TTC28: variants seen among roughly 807,000 people sequenced by gnomAD.
The protein encoded by TTC28 is tetratricopeptide repeat domain 28.
In TTC28, 61 loss-of-function variants were observed where a neutral mutation model predicts 198.0. That is an observed-to-expected ratio of 0.31 (90% CI 0.25 to 0.38). The LOEUF (loss-of-function observed/expected upper bound fraction) is 0.38. TTC28 is among the 10% of genes least tolerant of loss of function. The pLI is 1.00. For missense variants in TTC28, 2,678 were observed against 3,164.0 expected, an observed-to-expected ratio of 0.85 and a Z score of 3.69; for synonymous variants, 1,171 against 1,297.8, an observed-to-expected ratio of 0.90 and a Z score of 2.10.
chr22:28,053,225 C>T (rs1009920552), intron 12 of TTC28, among the ~76,000 whole-genome samples: 1 of 152,218 alleles, frequency 6.6e-6, no homozygotes, highest in Non-Finnish European at 1.5e-5. Context: ...GTCCATCATC[C>T]CTTCAGGATG....
chr22:28,475,168 AAAAAGAAAGAAAAG>A (rs1568967492), intron 2 of TTC28, among the ~76,000 whole-genome samples: 6 of 150,514 alleles, frequency 4.0e-5, no homozygotes, highest in Admixed American at 6.6e-5. Context: ...AAAAAAAAAA[AAAAAGAAAGAAAAG>A]AAAAGAAAGA....
At chr22:28,554,943 G>C (rs986571723) in intron 2 of TTC28, among the ~76,000 whole-genome samples, 1 of 152,056 alleles carries the variant, frequency 6.6e-6, no homozygotes, top group Non-Finnish European at 1.5e-5. Flanking sequence ...AAAAGTCTTC[G>C]CAATCTATAT....
At chr22:28,484,586 G>A (rs576781524) in intron 2 of TTC28, among the ~76,000 whole-genome samples, 25 of 152,068 alleles carry the variant, frequency 1.6e-4, no homozygotes, top group Non-Finnish European at 3.5e-4. Flanking sequence ...TCATCATACC[G>A]TAAGTACGCC....
intron 2 of TTC28, among the ~76,000 whole-genome samples, chr22:28,419,043 A>G (rs2047209142): frequency 6.6e-6 from 1 of 152,164 alleles, no homozygotes; most frequent in Non-Finnish European, 1.5e-5. Context: ...AAAGATCCCT[A>G]GGCCTAGATT....
At chr22:28,193,314 A>T (rs1284254051) in intron 5 of TTC28, among the ~76,000 whole-genome samples, 1 of 152,216 alleles carries the variant, frequency 6.6e-6, no homozygotes, top group Non-Finnish European at 1.5e-5. Flanking sequence ...AACAACCGGT[A>T]CCAACCACTG....
chr22:28,473,959 A>G (rs2048130108), intron 2 of TTC28, among the ~76,000 whole-genome samples: 1 of 152,196 alleles, frequency 6.6e-6, no homozygotes, highest in African/African-American at 2.4e-5. Context: ...AACTATGATA[A>G]AAGAAAATTT....
rs1031416728 is a variant in TTC28 at position 28,030,182 on chromosome 22, C to A, written c.4073+44G>T. The A allele has an allele frequency of 1.2e-5, 19 of 1,547,170 alleles. No individual in the cohort carries two copies. In the African/African-American group the frequency reaches 2.5e-4, roughly 20 times the overall value. On this transcript the variant is annotated intron_variant, in intron 13 of 22. Transcript: ENST00000397906. ...GAAAGCATATTATCTGTGCTCAGAGCACCCTGCCCTGCACTGGGCCTGGGG... is the reference window on the plus strand; with the variant it reads ...GAAAGCATATTATCTGTGCTCAGAGAACCCTGCCCTGCACTGGGCCTGGGG...
chr22:28,642,177 A>C (rs1255697213), intron 1 of TTC28, among the ~76,000 whole-genome samples: 1 of 152,004 alleles, frequency 6.6e-6, no homozygotes, highest in Admixed American at 6.6e-5. Context: ...AAACAAGTTA[A>C]TTTAGAAAAA....
At chr22:28,015,390 G>A (rs535939192) in intron 13 of TTC28, among the ~76,000 whole-genome samples, 1 of 141,496 alleles carries the variant, frequency 7.1e-6, no homozygotes, top group African/African-American at 2.7e-5. Flanking sequence ...AAACAGACAA[G>A]GTATCATCCT....
At chr22:28,320,502 T>C (rs2045428832) in intron 2 of TTC28, among the ~76,000 whole-genome samples, 1 of 152,232 alleles carries the variant, frequency 6.6e-6, no homozygotes, top group South Asian at 2.1e-4. Context: ...CTTAGTTATT[T>C]AATTCCTGGC....
intron 2 of TTC28, among the ~76,000 whole-genome samples, chr22:28,351,589 C>T (rs2045997124): frequency 6.6e-6 from 1 of 152,060 alleles, no homozygotes; most frequent in Non-Finnish European, 1.5e-5. Flanking sequence ...ATAATTTATT[C>T]CTGTGTCAAT....
chr22:28,193,104 T>C (rs1033529017), intron 5 of TTC28, among the ~76,000 whole-genome samples: 1 of 152,186 alleles, frequency 6.6e-6, no homozygotes, highest in Non-Finnish European at 1.5e-5. Context: ...ACAGAAACTC[T>C]ACAAGCCAGA....
chr22:28,027,554 C>G (rs1938885382), intron 13 of TTC28, among the ~76,000 whole-genome samples: 1 of 152,236 alleles, frequency 6.6e-6, no homozygotes, highest in African/African-American at 2.4e-5. Context: ...TCCATAAAAT[C>G]ACTGAGCTGG....
intron 3 of TTC28, among the ~76,000 whole-genome samples, chr22:28,306,041 T>C (rs970812312): frequency 2.0e-5 from 3 of 152,212 alleles, no homozygotes; most frequent in African/African-American, 7.2e-5. Context: ...CAATTAGATA[T>C]GTATTTCTTT....
At chr22:28,376,029 C>T (rs2046404903) in intron 2 of TTC28, among the ~76,000 whole-genome samples, 1 of 152,198 alleles carries the variant, frequency 6.6e-6, no homozygotes, top group East Asian at 1.9e-4. Context: ...ACTACACTAC[C>T]AGCATCCAAG....
At chr22:28,647,997 G>A (rs929443838) in intron 1 of TTC28, among the ~76,000 whole-genome samples, 1 of 151,680 alleles carries the variant, frequency 6.6e-6, no homozygotes, top group Non-Finnish European at 1.5e-5. Flanking sequence ...GGCCGAGGCG[G>A]GCGGATCATG....
rs181844816 is a variant in TTC28 at position 28,394,274 on chromosome 22, G to A, written c.382-87631C>T. Among the ~76,000 whole-genome samples the A allele has an allele frequency of 1.8e-4, 28 of 152,236 alleles. No individual in the cohort carries two copies. In the East Asian group the frequency reaches 5.0e-3, roughly 27 times the overall value. On this transcript the variant is annotated intron_variant, in intron 2 of 22. Transcript: ENST00000397906. ...TTTTTAGTATACAATTTTGTAGAAT[G>A]TACAAGTATCATGTTTTATTAAATA...
chr22:28,337,135 T>C (rs1461580848), intron 2 of TTC28, among the ~76,000 whole-genome samples: 1 of 152,212 alleles, frequency 6.6e-6, no homozygotes, highest in Non-Finnish European at 1.5e-5. Context: ...TCAGTTTCCA[T>C]GTAGTTGCGC....
intron 12 of TTC28, among the ~76,000 whole-genome samples, chr22:28,055,790 C>G (rs1940263343): frequency 6.6e-6 from 1 of 152,090 alleles, no homozygotes; most frequent in African/African-American, 2.4e-5. Context: ...CATCATTAAT[C>G]CATGCAAGGC....
Sources: allele counts gnomAD v4.1 joint callset (sites outside exome capture counted in the v4.1 genomes callset), GRCh38; gene constraint gnomAD v4.1.1; transcripts MANE v1.5; gene names NCBI Gene and HGNC (gene_info 2026-07-23, HGNC 2026-07-21).